Variants in ZNF804B observed in about 807,000 individuals in gnomAD.
ZNF804B encodes zinc finger 804B.
In ZNF804B, 80 loss-of-function variants were observed where a neutral mutation model predicts 101.4. The ratio of observed to expected loss-of-function variants is 0.79; its 90% CI spans 0.66 to 0.95. The LOEUF (loss-of-function observed/expected upper bound fraction) is 0.95. Among genes scored for constraint, ZNF804B ranks in the 40% least tolerant of loss-of-function variants. The pLI is 0.00. For missense variants in ZNF804B, 1,673 were observed against 1,561.9 expected (o/e 1.07, Z -1.20); for synonymous variants, 622 against 558.8 (o/e 1.11, Z -1.59).
intron 1 of ZNF804B, among the ~76,000 whole-genome samples, chr7:88,827,796 T>C (rs1266358865): frequency 6.6e-6 from 1 of 152,174 alleles, no homozygotes; most frequent in Non-Finnish European, 1.5e-5. Context: ...AGGACCATTC[T>C]GAACTCCTTT....
chr7:88,794,732 G>A (rs762606678), intron 1 of ZNF804B: 1 of 1,613,510 alleles, frequency 6.2e-7, no homozygotes, highest in Non-Finnish European at 8.5e-7. Flanking sequence ...TGAAACATTT[G>A]TTCATAGTAG....
chr7:89,141,761 T>G (rs1456540992), intron 1 of ZNF804B, among the ~76,000 whole-genome samples: 4 of 151,892 alleles, frequency 2.6e-5, no homozygotes, highest in African/African-American at 9.7e-5. Flanking sequence ...GAATTTTAAG[T>G]GCCAAAAACA....
chr7:89,012,407 A>AT (rs984811538), intron 1 of ZNF804B, among the ~76,000 whole-genome samples: 26 of 151,924 alleles, frequency 1.7e-4, no homozygotes, highest in African/African-American at 6.0e-4. Context: ...CAGAAAATGG[A>AT]TTTTTCTTTT....
intron 1 of ZNF804B, among the ~76,000 whole-genome samples, chr7:89,044,989 C>T (rs117561987): frequency 3.9e-5 from 6 of 152,270 alleles, no homozygotes; most frequent in African/African-American, 1.4e-4. Flanking sequence ...CATCACAGGC[C>T]GGGTAGCCTA....
At chr7:89,220,047 A>ATATATGCACACATATATGTGTG (rs1788971499) in intron 2 of ZNF804B, among the ~76,000 whole-genome samples, 1 of 38,762 alleles carries the variant, frequency 2.6e-5, no homozygotes, top group African/African-American at 1.2e-4. Flanking sequence ...ATATATGTGC[A>ATATATGCACACATATATGTGTG]TATATACATA....
intron 1 of ZNF804B, among the ~76,000 whole-genome samples, chr7:89,165,953 CATTTT>C (rs1419023223): frequency 1.3e-5 from 2 of 152,056 alleles, no homozygotes; most frequent in East Asian, 1.9e-4. Context: ...TTTTACAAAA[CATTTT>C]AATTTATACC....
intron 1 of ZNF804B, among the ~76,000 whole-genome samples, chr7:89,098,974 A>G (rs1428321049): frequency 1.3e-5 from 2 of 150,454 alleles, no homozygotes; most frequent in African/African-American, 4.9e-5. Context: ...GAAATCTTGA[A>G]TGAAAACTAT....
intron 1 of ZNF804B, among the ~76,000 whole-genome samples, chr7:89,201,921 G>C (rs532031889): frequency 5.9e-5 from 9 of 152,064 alleles, no homozygotes; most frequent in Non-Finnish European, 8.8e-5. Context: ...GTATGTACCT[G>C]TGTTCCAGAG....
At chr7:88,798,765 A>T (rs1790531661) in intron 1 of ZNF804B, among the ~76,000 whole-genome samples, 1 of 152,116 alleles carries the variant, frequency 6.6e-6, no homozygotes, top group Non-Finnish European at 1.5e-5. Flanking sequence ...GTGTAATTAG[A>T]ATTGTACACT....
chr7:89,099,670 A>G (rs963729596), intron 1 of ZNF804B, among the ~76,000 whole-genome samples: 4 of 152,192 alleles, frequency 2.6e-5, no homozygotes, highest in African/African-American at 9.7e-5. Flanking sequence ...AGCTCTACAT[A>G]GGGAAATTTC....
chr7:88,852,943 T>A lies in ZNF804B; in HGVS notation c.108+92859T>A, dbSNP rs144408745. ...AAAGATATAGCTTTTTGAGGACCCATGGCTAATCATCAAACAATGGTTTTC... is the reference window on the plus strand; with the variant it reads ...AAAGATATAGCTTTTTGAGGACCCAAGGCTAATCATCAAACAATGGTTTTC... On this transcript the variant is annotated intron_variant, in intron 1 of 3. Coordinates refer to ENST00000333190, the MANE Select transcript of ZNF804B (RefSeq NM_181646.5). Among the ~76,000 whole-genome samples, 13 of 152,232 alleles carry A rather than the reference T, an allele frequency of 8.5e-5. No individual in the cohort carries two copies. In the East Asian group the frequency reaches 2.5e-3, roughly 29 times the overall value.
intron 1 of ZNF804B, among the ~76,000 whole-genome samples, chr7:88,957,382 C>A (rs1339618845): frequency 6.6e-6 from 1 of 151,272 alleles, no homozygotes; most frequent in Non-Finnish European, 1.5e-5. Flanking sequence ...TACTTCAAGG[C>A]AGAATAAAGA....
At chr7:89,115,896 G>T (rs541201695) in intron 1 of ZNF804B, among the ~76,000 whole-genome samples, 1 of 55,738 alleles carries the variant, frequency 1.8e-5, no homozygotes, top group Non-Finnish European at 3.4e-5. Flanking sequence ...AGGTCAACAG[G>T]TTTTTTTGTT....
In ZNF804B at chr7:89,170,271, C is replaced by T. The variant is rs554036290; in HGVS notation, c.109-47884C>T. ...AATGGATATTTTATCTCATTTAGGC[C>T]ACAGTGATACTTTAAGTTTTATGTC... On this transcript the variant is annotated intron_variant, in intron 1 of 3. Transcript: ENST00000333190. Among the ~76,000 whole-genome samples, 118 of 152,152 alleles carry T rather than the reference C, an allele frequency of 7.8e-4. 1 individual carries two copies. In the South Asian group the frequency reaches 0.024, roughly 31 times the overall value.
chr7:89,190,948 T>G (rs1279598929), intron 1 of ZNF804B, among the ~76,000 whole-genome samples: 1 of 152,142 alleles, frequency 6.6e-6, no homozygotes, highest in Non-Finnish European at 1.5e-5. Context: ...ATACTGTAAA[T>G]AGAACTTTTA....
At chr7:89,284,922 G>A (rs974359561) in intron 2 of ZNF804B, among the ~76,000 whole-genome samples, 1 of 152,048 alleles carries the variant, frequency 6.6e-6, no homozygotes, top group African/African-American at 2.4e-5. Context: ...TTGGAGGCAG[G>A]GCATGGCAGC....
At chr7:89,130,270 C>T (rs1440332426) in intron 1 of ZNF804B, among the ~76,000 whole-genome samples, 1 of 151,846 alleles carries the variant, frequency 6.6e-6, no homozygotes, top group Non-Finnish European at 1.5e-5. Context: ...ATTTGCCATC[C>T]TAAAAGGGAC....
At chr7:88,840,333 T>G (rs961317956) in intron 1 of ZNF804B, among the ~76,000 whole-genome samples, 78 of 152,238 alleles carry the variant, frequency 5.1e-4, no homozygotes, top group African/African-American at 1.8e-3. Flanking sequence ...TATTTCCTAT[T>G]ACCGGGTCCT....
chr7:88,850,544 T>A (rs572124661), intron 1 of ZNF804B, among the ~76,000 whole-genome samples: 73 of 152,138 alleles, frequency 4.8e-4, no homozygotes, highest in African/African-American at 1.7e-3. Context: ...GAGTGAAAAA[T>A]CTTGTAATTT....
Sources: gnomAD v4.1 joint callset for allele counts (sites outside exome capture counted in the v4.1 genomes callset) on GRCh38, gnomAD v4.1.1 for gene constraint, MANE v1.5 for transcripts, NCBI Gene and HGNC (gene_info 2026-07-23, HGNC 2026-07-21) for gene names.